DMRT1: variants seen among roughly 807,000 people sequenced by gnomAD.
DMRT1 encodes doublesex- and mab-3-related transcription factor 1.
DMRT1 carries 7 observed loss-of-function variants against 32.3 expected under a neutral mutation model. The ratio of observed to expected loss-of-function variants is 0.22; its 90% CI spans 0.12 to 0.41. The LOEUF is 0.41. Among genes scored for constraint, DMRT1 ranks in the 10% least tolerant of loss-of-function variants. The pLI, the probability that DMRT1 is intolerant of heterozygous loss-of-function variation, is 1.00. For missense variants in DMRT1, 625 were observed against 500.5 expected (o/e 1.25, Z -2.37); for synonymous variants, 278 against 206.1 (o/e 1.35, Z -2.99).
At chr9:923,446 G>A (rs745786400) in intron 4 of DMRT1, among the ~76,000 whole-genome samples, 16 of 146,878 alleles carry the variant, frequency 1.1e-4, no homozygotes, top group Non-Finnish European at 2.4e-4. Context: ...CTGAGAGAGG[G>A]TGAGGATGTT....
chr9:889,292 T>C (rs1340055080), intron 2 of DMRT1, among the ~76,000 whole-genome samples: 2 of 152,246 alleles, frequency 1.3e-5, no homozygotes, highest in Admixed American at 6.5e-5. Context: ...TTTATACACA[T>C]AGTACTTTGT....
At chr9:890,066 A>T (rs896439655) in intron 2 of DMRT1, among the ~76,000 whole-genome samples, 141 of 147,566 alleles carry the variant, frequency 9.6e-4, no homozygotes, top group African/African-American at 3.3e-3. Flanking sequence ...GAAAACCACC[A>T]CTTAACGCCA....
intron 2 of DMRT1, among the ~76,000 whole-genome samples, chr9:858,670 TC>T (rs1211122743): frequency 2.0e-5 from 3 of 151,958 alleles, no homozygotes; most frequent in Non-Finnish European, 4.4e-5. Flanking sequence ...GGTCAGGAGT[TC>T]GAGACCAGCC....
intron 3 of DMRT1, among the ~76,000 whole-genome samples, chr9:898,644 G>T (rs1305886133): frequency 6.6e-6 from 1 of 152,186 alleles, no homozygotes; most frequent in Non-Finnish European, 1.5e-5. Flanking sequence ...TGCACTTGGA[G>T]AGCACCTGTG....
At chr9:927,740 ATTG>A (rs1222957740) in intron 4 of DMRT1, among the ~76,000 whole-genome samples, 1 of 152,154 alleles carries the variant, frequency 6.6e-6, no homozygotes, top group African/African-American at 2.4e-5. Context: ...TGCCTTCCAA[ATTG>A]TTGTCCGTTG....
intron 2 of DMRT1, among the ~76,000 whole-genome samples, chr9:877,130 T>A (rs982494364): frequency 2.0e-5 from 3 of 152,258 alleles, no homozygotes; most frequent in Non-Finnish European, 4.4e-5. Context: ...TGGATTTAAT[T>A]CTCTGTGGTT....
intron 4 of DMRT1, among the ~76,000 whole-genome samples, chr9:938,517 A>T (rs865931330): frequency 6.6e-6 from 1 of 152,108 alleles, no homozygotes; most frequent in African/African-American, 2.4e-5. Context: ...TCTGAATATT[A>T]TTTTTGATGG....
intron 4 of DMRT1, among the ~76,000 whole-genome samples, chr9:951,060 G>A (rs1027578550): frequency 1.3e-5 from 2 of 151,988 alleles, no homozygotes; most frequent in African/African-American, 2.4e-5. Context: ...ATCTGATTCA[G>A]TATTACAACT....
intron 2 of DMRT1, among the ~76,000 whole-genome samples, chr9:873,248 C>G (rs1335804497): frequency 2.0e-5 from 3 of 151,812 alleles, no homozygotes; most frequent in Non-Finnish European, 4.4e-5. Context: ...GTCCTTTGCC[C>G]ATTTGTAAGT....
chr9:926,685 GGTAGAGA>G (rs1818535198), intron 4 of DMRT1, among the ~76,000 whole-genome samples: 1 of 55,616 alleles, frequency 1.8e-5, no homozygotes, highest in South Asian at 1.3e-3. Flanking sequence ...AGAAGACACA[GGTAGAGA>G]GAGAGAGAGA....
At chr9:949,645 G>C (rs1483929867) in intron 4 of DMRT1, among the ~76,000 whole-genome samples, 2 of 152,148 alleles carry the variant, frequency 1.3e-5, no homozygotes, top group Non-Finnish European at 2.9e-5. Flanking sequence ...GTTAACTGTA[G>C]GCACTAAGCT....
intron 4 of DMRT1, among the ~76,000 whole-genome samples, chr9:942,058 T>C (rs1348797634): frequency 1.3e-5 from 2 of 152,210 alleles, no homozygotes; most frequent in African/African-American, 4.8e-5. Context: ...AGCCATCATC[T>C]TCCTTTATTC....
intron 3 of DMRT1, among the ~76,000 whole-genome samples, chr9:909,054 TG>T (rs1306029805): frequency 6.6e-6 from 1 of 152,160 alleles, no homozygotes; most frequent in African/African-American, 2.4e-5. Context: ...TGTCTCTGCC[TG>T]CCTCGGTTCT....
chr9:948,658 T>C (rs1209170594), intron 4 of DMRT1, among the ~76,000 whole-genome samples: 1 of 152,112 alleles, frequency 6.6e-6, no homozygotes, highest in Non-Finnish European at 1.5e-5. Context: ...GCTTACACTG[T>C]GTTGACTGAA....
rs144727512 is a variant in DMRT1 at position 896,770 on chromosome 9, G to A, written c.822+2575G>A. ...GGAGGTTGCAGTGAGCAGAGATCGCGCCATTGTACTCCAGCCTGGGCGACA... is the reference window on the plus strand; with the variant it reads ...GGAGGTTGCAGTGAGCAGAGATCGCACCATTGTACTCCAGCCTGGGCGACA... On this transcript the variant is annotated intron_variant, in intron 3 of 4. Transcript: ENST00000382276. Among the ~76,000 whole-genome samples, 800 of 151,668 alleles carry A rather than the reference G, an allele frequency of 5.3e-3. 13 individuals are homozygous for A. Among genetic ancestry groups the A allele is most frequent in the African/African-American group, 0.018 (757 of 41,398 alleles).
chr9:853,601 T>C (rs1815260129), intron 2 of DMRT1, among the ~76,000 whole-genome samples: 1 of 151,252 alleles, frequency 6.6e-6, no homozygotes, highest in South Asian at 2.1e-4. Flanking sequence ...GCCTCCTGAA[T>C]AGCTGGGATT....
At chr9:898,382 G>A (rs1041729956) in intron 3 of DMRT1, among the ~76,000 whole-genome samples, 8 of 152,188 alleles carry the variant, frequency 5.3e-5, no homozygotes, top group African/African-American at 1.9e-4. Context: ...GCCTCCCAAA[G>A]TGCTGGGATT....
intron 2 of DMRT1, among the ~76,000 whole-genome samples, chr9:884,325 C>G (rs1186709346): frequency 6.6e-6 from 1 of 151,530 alleles, no homozygotes; most frequent in Non-Finnish European, 1.5e-5. Flanking sequence ...AGGTATTGAT[C>G]CCTCATGAAG....
Position 877,631 on chromosome 9 carries a change from A to G in DMRT1, c.539-16281A>G, listed in dbSNP as rs560267813. Among the ~76,000 whole-genome samples, 8 of 152,342 alleles carry G rather than the reference A, an allele frequency of 5.3e-5. No homozygotes were observed. The South Asian group carries it at 1.5e-3, about 28-fold the overall frequency. On this transcript the variant is annotated intron_variant, in intron 2 of 4. Transcript: ENST00000382276. Reference sequence around the variant, plus strand: ...CCCATTCCAAAAAAAGAAGCTAAATATGGAATTGTATATATTGAATTTAAG... The same window carrying G: ...CCCATTCCAAAAAAAGAAGCTAAATGTGGAATTGTATATATTGAATTTAAG...
Sources: allele counts gnomAD v4.1 joint callset (sites outside exome capture counted in the v4.1 genomes callset), GRCh38; gene constraint gnomAD v4.1.1; transcripts MANE v1.5; gene names NCBI Gene and HGNC (gene_info 2026-07-23, HGNC 2026-07-21).